The following ATF7IP variants were observed in gnomAD, a reference collection of about 807,000 sequenced individuals.
The protein encoded by ATF7IP is activating transcription factor 7 interacting protein.
Under a neutral mutation model 106.4 loss-of-function variants are expected in ATF7IP, and 23 were observed. That is an observed-to-expected ratio of 0.22 (90% CI 0.16 to 0.31). The LOEUF (loss-of-function observed/expected upper bound fraction) is 0.31. ATF7IP is among the 10% of genes least tolerant of loss of function. The pLI, the probability that ATF7IP is intolerant of heterozygous loss-of-function variation, is 1.00. For missense variants in ATF7IP, 1,334 were observed against 1,524.3 expected (o/e 0.88, Z 2.08); for synonymous variants, 542 against 539.0 (o/e 1.01, Z -0.08).
chr12:14,411,457 A>G (rs1940909308), intron 1 of ATF7IP, among the ~76,000 whole-genome samples: 1 of 152,134 alleles, frequency 6.6e-6, no homozygotes, highest in African/African-American at 2.4e-5. Context: ...TGACGGGTGC[A>G]GCAAACCACC....
At chr12:14,446,105 CACTG>C (rs1350922106) in intron 5 of ATF7IP, among the ~76,000 whole-genome samples, 14 of 151,662 alleles carry the variant, frequency 9.2e-5, no homozygotes, top group South Asian at 2.1e-4. Context: ...TTAATAATCT[CACTG>C]ACCATGTTGA....
chr12:14,396,261 CA>C (rs1304086793), intron 1 of ATF7IP, among the ~76,000 whole-genome samples: 1 of 152,030 alleles, frequency 6.6e-6, no homozygotes, highest in Non-Finnish European at 1.5e-5. Flanking sequence ...TTTCTGTAAC[CA>C]AAGTGTTACT....
intron 1 of ATF7IP, among the ~76,000 whole-genome samples, chr12:14,422,842 T>C (rs912745203): frequency 6.6e-6 from 1 of 152,210 alleles, no homozygotes; most frequent in African/African-American, 2.4e-5. Context: ...CCATTATGAG[T>C]AGTGCCTCTA....
chr12:14,481,431 GGTAA>G (rs1436524551), intron 13 of ATF7IP: 4 of 519,320 alleles, frequency 7.7e-6, no homozygotes, highest in East Asian at 3.3e-5. Flanking sequence ...ACACAAAAAA[GGTAA>G]GTATGTGAGA....
At chr12:14,488,205 C>T (rs1247074265) in intron 13 of ATF7IP, among the ~76,000 whole-genome samples, 1 of 152,032 alleles carries the variant, frequency 6.6e-6, no homozygotes, top group Admixed American at 6.6e-5. Context: ...CACACATGCA[C>T]ACACACACGT....
At chr12:14,467,196 ATTG>A (rs1213865148) in intron 10 of ATF7IP, among the ~76,000 whole-genome samples, 2 of 152,014 alleles carry the variant, frequency 1.3e-5, no homozygotes, top group Admixed American at 1.3e-4. Flanking sequence ...TAGTGATTAG[ATTG>A]TTGATAGTTT....
rs79194678 is a variant in ATF7IP at position 14,428,753 on chromosome 12, T to G, written c.1558+3280T>G. On this transcript the variant is annotated intron_variant, in intron 2 of 14. Coordinates refer to ENST00000261168, the MANE Select transcript of ATF7IP (RefSeq NM_018179.5). ...ACTTGTTGAGCAAATATGTTTTAAATAAAGCAATTGTGATGTGTATCAGCA... is the reference window on the plus strand; with the variant it reads ...ACTTGTTGAGCAAATATGTTTTAAAGAAAGCAATTGTGATGTGTATCAGCA... 9.1e-3 allele frequency among the ~76,000 whole-genome samples: 1,390 copies of G among 152,210 alleles called. 24 individuals are homozygous for G. The highest frequency in any genetic ancestry group is 0.032 in the African/African-American group (1,309 of 41,520).
intron 1 of ATF7IP, among the ~76,000 whole-genome samples, chr12:14,419,613 ATGCATT>A (rs1055286028): frequency 2.3e-4 from 35 of 152,254 alleles, no homozygotes; most frequent in African/African-American, 7.9e-4. Flanking sequence ...GCAAAATACA[ATGCATT>A]GTATCTGTAT....
intron 1 of ATF7IP, among the ~76,000 whole-genome samples, chr12:14,379,084 A>G (rs1430617852): frequency 3.3e-5 from 5 of 152,124 alleles, no homozygotes; most frequent in African/African-American, 4.8e-5. Flanking sequence ...ATAATCCTCT[A>G]TGTTGGAGGT....
chr12:14,456,432 G>A, intron 6 of ATF7IP, 129 bp from the exon 7 acceptor site: 1 of 593,792 alleles, frequency 1.7e-6, no homozygotes, highest in Non-Finnish European at 3.0e-6. Flanking sequence ...GTCTCAGCTG[G>A]CAATGTTTCC....
intron 5 of ATF7IP, among the ~76,000 whole-genome samples, chr12:14,440,950 T>G (rs570579575): frequency 6.6e-6 from 1 of 152,358 alleles, no homozygotes; most frequent in South Asian, 2.1e-4. Context: ...TATATGGCGG[T>G]ATATGCCACA....
chr12:14,441,150 C>T (rs1372447158), intron 5 of ATF7IP, among the ~76,000 whole-genome samples: 1 of 152,200 alleles, frequency 6.6e-6, no homozygotes, highest in African/African-American at 2.4e-5. Flanking sequence ...TGAAGAATCA[C>T]CCAGCTGTTG....
chr12:14,491,954 A>G (rs1201733896), intron 13 of ATF7IP, among the ~76,000 whole-genome samples: 6 of 152,176 alleles, frequency 3.9e-5, no homozygotes, highest in Admixed American at 3.9e-4. Flanking sequence ...CACGTCCTTG[A>G]TGGTGGCACT....
In ATF7IP at chr12:14,365,696, G is replaced by GGCGGCGGTGGCA. The variant is rs1276980956; in HGVS notation, c.-131_-120dup. 1 of 157,222 alleles carries GGCGGCGGTGGCA rather than the reference G, an allele frequency of 6.4e-6. No homozygotes were observed. The highest frequency in any genetic ancestry group is 1.4e-5 in the Non-Finnish European group (1 of 70,820). The allele number at this position is 157,222 out of a possible 1,614,324, so 9.7% of individuals were successfully genotyped here. A position where few individuals can be genotyped will look rare whatever the true frequency, so the allele number is the denominator to read the frequency against. On this transcript the variant is annotated 5_prime_UTR_variant, in exon 1 of 15. Coordinates refer to ENST00000261168, the MANE Select transcript of ATF7IP (RefSeq NM_018179.5). ...GGTTTGTTTTTGAATCTGCGGAGGC[G>GGCGGCGGTGGCA]GCGGCGGTGGCAGCGGCGGCGCGGC...
At chr12:14,433,874 T>C (rs184735781) in intron 2 of ATF7IP, among the ~76,000 whole-genome samples, 25 of 152,274 alleles carry the variant, frequency 1.6e-4, no homozygotes, top group Non-Finnish European at 3.1e-4. Flanking sequence ...CCATTCCTTA[T>C]TTATGAACTC....
At position 14,470,709 on chromosome 12, in the gene ATF7IP, T is replaced by C. The variant is rs540435873; in HGVS notation, c.2862+4119T>C. ...AATGTGTTAATGCATGTAAAGCATT[T>C]AGCACAGAGTCTAATTGGAGTAGTG... On this transcript the variant is annotated intron_variant, in intron 10 of 14. Coordinates refer to ENST00000261168, the MANE Select transcript of ATF7IP (RefSeq NM_018179.5). Among the ~76,000 whole-genome samples the C allele has an allele frequency of 2.6e-5, 4 of 152,358 alleles. No individual in the cohort carries two copies. In the East Asian group the frequency reaches 7.7e-4, roughly 29 times the overall value.
intron 1 of ATF7IP, among the ~76,000 whole-genome samples, chr12:14,423,227 A>G (rs1393518339): frequency 6.6e-6 from 1 of 152,012 alleles, no homozygotes; most frequent in East Asian, 1.9e-4. Flanking sequence ...AAATTGGGTG[A>G]TTTATTATTG....
intron 1 of ATF7IP, among the ~76,000 whole-genome samples, chr12:14,366,707 TTTC>T (rs1273241056): frequency 1.3e-5 from 2 of 152,242 alleles, no homozygotes; most frequent in African/African-American, 2.4e-5. Context: ...ATCAACTCAT[TTTC>T]TTAGCATTTT....
At chr12:14,451,306 G>C (rs1021094062) in intron 6 of ATF7IP, among the ~76,000 whole-genome samples, 1 of 151,230 alleles carries the variant, frequency 6.6e-6, no homozygotes, top group Non-Finnish European at 1.5e-5. Context: ...CCTAGTTAAG[G>C]ATTTATCAAT....
Sources: gnomAD v4.1 joint callset for allele counts (sites outside exome capture counted in the v4.1 genomes callset) on GRCh38, gnomAD v4.1.1 for gene constraint, MANE v1.5 for transcripts, NCBI Gene and HGNC (gene_info 2026-07-23, HGNC 2026-07-21) for gene names.